ERBB4: variants seen among roughly 807,000 people sequenced by gnomAD.
ERBB4 encodes the protein erb-b2 receptor tyrosine kinase 4.
In ERBB4, 42 loss-of-function variants were observed where a neutral mutation model predicts 158.0. The observed-to-expected ratio is 0.27, with a 90% CI of 0.21 to 0.34. ERBB4 has a LOEUF of 0.34. Among genes scored for constraint, ERBB4 ranks in the 10% least tolerant of loss-of-function variants. ERBB4 has a pLI of 1.00. For missense variants in ERBB4, 1,333 were observed against 1,624.1 expected, an observed-to-expected ratio of 0.82 and a Z score of 3.08; for synonymous variants, 583 against 558.7, an observed-to-expected ratio of 1.04 and a Z score of -0.61.
chr2:211,463,207 T>C (rs1348042476), intron 20 of ERBB4, among the ~76,000 whole-genome samples: 1 of 152,204 alleles, frequency 6.6e-6, no homozygotes, highest in East Asian at 1.9e-4. Context: ...ATCTCTGTAA[T>C]CAGTGATTCT....
At chr2:212,158,058 G>A (rs190273259) in intron 1 of ERBB4, among the ~76,000 whole-genome samples, 10 of 152,066 alleles carry the variant, frequency 6.6e-5, no homozygotes, top group East Asian at 3.9e-4. Flanking sequence ...AATATTTGCC[G>A]AACACTTACT....
At chr2:212,021,229 TATA>T (rs1294894342) in intron 2 of ERBB4, among the ~76,000 whole-genome samples, 2 of 152,082 alleles carry the variant, frequency 1.3e-5, no homozygotes, top group Non-Finnish European at 1.5e-5. Context: ...ATTCAATAGG[TATA>T]ATAATTATTG....
At chr2:211,523,520 T>C (rs936446462) in intron 20 of ERBB4, among the ~76,000 whole-genome samples, 2 of 151,812 alleles carry the variant, frequency 1.3e-5, no homozygotes, top group East Asian at 2.0e-4. Flanking sequence ...TTCGGATGTG[T>C]TCGGAGTTTC....
At chr2:211,387,344 AATC>A (rs2062708010) in intron 26 of ERBB4, among the ~76,000 whole-genome samples, 194 bp from the exon 27 acceptor site, 1 of 152,336 alleles carries the variant, frequency 6.6e-6, no homozygotes, top group South Asian at 2.1e-4. Context: ...TTAAAAGATA[AATC>A]ATCAGAAAAT....
intron 20 of ERBB4, among the ~76,000 whole-genome samples, chr2:211,473,264 A>T (rs2064874844): frequency 6.6e-6 from 1 of 152,078 alleles, no homozygotes; most frequent in South Asian, 2.1e-4. Context: ...AGCCACTGGA[A>T]GCTGGAAGAA....
At chr2:212,061,477 A>AAAAAAAG (rs2077764166) in intron 2 of ERBB4, among the ~76,000 whole-genome samples, 1 of 149,848 alleles carries the variant, frequency 6.7e-6, no homozygotes, top group Admixed American at 6.6e-5. Context: ...AAAAAAAAAA[A>AAAAAAAG]AAAAAAGCTT....
rs3040350 is a variant in ERBB4 at position 212,349,287 on chromosome 2, T to TCACACACACACACA, written c.82+189148_82+189161dup. 1.2e-3 allele frequency among the ~76,000 whole-genome samples: 169 copies of TCACACACACACACA among 146,470 alleles called. 1 individual carries two copies. The highest frequency in any genetic ancestry group is 2.4e-3 in the East Asian group (12 of 4,900). On this transcript the variant is annotated intron_variant, in intron 1 of 27. Coordinates refer to ENST00000342788, the MANE Select transcript of ERBB4 (RefSeq NM_005235.3). ...TAAAACTAAGAGTTCAACTTCTTAA[T>TCACACACACACACA]CACACACACACACACACACACACAC... is the stretch of plus-strand genomic sequence containing the variant.
intron 7 of ERBB4, among the ~76,000 whole-genome samples, chr2:211,717,875 G>T (rs566761968): frequency 6.6e-6 from 1 of 152,036 alleles, no homozygotes; most frequent in Non-Finnish European, 1.5e-5. Context: ...CTATCTCTTC[G>T]ATTGTTATAA....
At chr2:211,950,365 G>A (rs1031321354) in intron 2 of ERBB4, among the ~76,000 whole-genome samples, 2 of 152,098 alleles carry the variant, frequency 1.3e-5, no homozygotes, top group African/African-American at 2.4e-5. Context: ...AGAAGTGGGT[G>A]GAAGAGAGGC....
intron 1 of ERBB4, among the ~76,000 whole-genome samples, chr2:212,217,262 C>T (rs10196229): frequency 0.49 from 74,504 of 151,028 alleles, 18,794 homozygotes; most frequent in East Asian, 0.77. Context: ...TTCTGTGGAA[C>T]TGATCAGAGC....
chr2:211,499,403 G>A (rs930934531), intron 20 of ERBB4, among the ~76,000 whole-genome samples: 4 of 151,972 alleles, frequency 2.6e-5, no homozygotes, highest in South Asian at 2.1e-4. Flanking sequence ...TGTGCCTGTC[G>A]TTCCAGCTAC....
At chr2:212,391,676 A>ATAT in intron 1 of ERBB4, among the ~76,000 whole-genome samples, 2 of 128,058 alleles carry the variant, frequency 1.6e-5, no homozygotes, top group African/African-American at 3.0e-5. Context: ...TATATTTTAT[A>ATAT]TATATTATAT....
At chr2:212,159,264 G>GT (rs72054973) in intron 1 of ERBB4, among the ~76,000 whole-genome samples, 234 of 141,256 alleles carry the variant, frequency 1.7e-3, no homozygotes, top group East Asian at 0.011. Context: ...GTGTGTTTTT[G>GT]TTTTTTTTTT....
chr2:212,131,034 A>C (rs1384141485), intron 1 of ERBB4, among the ~76,000 whole-genome samples: 1 of 152,208 alleles, frequency 6.6e-6, no homozygotes, highest in Non-Finnish European at 1.5e-5. Context: ...AAACATCAAA[A>C]TACAAAATAT....
At chr2:211,950,831 A>AAAC (rs2080855243) in intron 2 of ERBB4, among the ~76,000 whole-genome samples, 2 of 152,212 alleles carry the variant, frequency 1.3e-5, no homozygotes, top group African/African-American at 4.8e-5. Flanking sequence ...CAATTTGTTT[A>AAAC]AAATTGCACC....
At chr2:211,387,469 A>T (rs1836721) in intron 26 of ERBB4, among the ~76,000 whole-genome samples, 12,345 of 152,258 alleles carry the variant, frequency 0.081, 728 homozygotes, top group Middle Eastern at 0.17. Flanking sequence ...TTTCAAAGTG[A>T]ATTTTTATGA....
chr2:212,181,433 A>G (rs2081860076), intron 1 of ERBB4, among the ~76,000 whole-genome samples: 1 of 151,698 alleles, frequency 6.6e-6, no homozygotes, highest in African/African-American at 2.4e-5. Context: ...AGTATTATGT[A>G]AAATGCAGAT....
At chr2:212,228,840 A>AT (rs149632157) in intron 1 of ERBB4, among the ~76,000 whole-genome samples, 12 of 152,134 alleles carry the variant, frequency 7.9e-5, no homozygotes, top group East Asian at 5.8e-4. Context: ...CAAATTGTTT[A>AT]TTTTTTTTCT....
intron 3 of ERBB4, among the ~76,000 whole-genome samples, chr2:211,875,044 A>AAAAC (rs1553652658): frequency 3.5e-5 from 4 of 113,966 alleles, no homozygotes; most frequent in African/African-American, 1.1e-4. Context: ...AAAAAAAAAA[A>AAAAC]AAAAAACAAA....
Sources: allele counts gnomAD v4.1 joint callset (sites outside exome capture counted in the v4.1 genomes callset), GRCh38; gene constraint gnomAD v4.1.1; transcripts MANE v1.5; gene names NCBI Gene and HGNC (gene_info 2026-07-23, HGNC 2026-07-21).